The following DUOXA2 variants were observed in gnomAD, a reference collection of about 807,000 sequenced individuals.
DUOXA2 encodes the protein dual oxidase maturation factor 2.
Under a neutral mutation model 27.6 loss-of-function variants are expected in DUOXA2, and 22 were observed. The observed-to-expected ratio is 0.80, with a 90% CI of 0.57 to 1.14. The LOEUF is 1.14. Among genes scored for constraint, DUOXA2 ranks in the 50% most tolerant of loss-of-function variants. The pLI, the probability that DUOXA2 is intolerant of heterozygous loss-of-function variation, is 0.00. For missense variants in DUOXA2, 481 were observed against 419.9 expected, an observed-to-expected ratio of 1.15 and a Z score of -1.27; for synonymous variants, 188 against 184.4, an observed-to-expected ratio of 1.02 and a Z score of -0.16.
intron 1 of DUOXA2, among the ~76,000 whole-genome samples, 184 bp downstream of exon 1, chr15:45,114,936 C>T (rs909759495): frequency 6.6e-6 from 1 of 152,150 alleles, no homozygotes; most frequent in African/African-American, 2.4e-5. Flanking sequence ...GGAGAGCTCC[C>T]CATCCAGGAT....
Position 45,118,333 on chromosome 15 carries a change from G to T in DUOXA2, c.*424G>T. 1 of 1,202,008 alleles carries T rather than the reference G, an allele frequency of 8.3e-7. No individual in the cohort carries two copies. The highest frequency in any genetic ancestry group is 1.0e-6 in the Non-Finnish European group (1 of 966,268). 74.5% of individuals were successfully genotyped at this position (1,202,008 alleles called of 1,614,324 possible). ...GGGGGACGTTAGGTGGCAGTGATGA[G>T]GCAGGTCACCCACTCCCCCGTCCTG... On this transcript the variant is annotated 3_prime_UTR_variant, in exon 6 of 6. Transcript: ENST00000323030.
At position 45,116,240 on chromosome 15, in the gene DUOXA2, A is replaced by T. The variant is rs1894624486; in HGVS notation, c.322A>T (p.Ile108Phe). ...RVRLLVGLEG[I>F]NITLTGTPVH... ...CCGTCTGCTCGTGGGCCTGGAGGGC[A>T]TTAATATTACACTCACAGGTGAGGG... The change falls in exon 3 of 6, where the codon ATT becomes TTT. Residue 108 changes from isoleucine (I) to phenylalanine (F), a missense_variant. Physicochemically the swap from Ile to Phe is conservative, Grantham distance 21. Coordinates refer to ENST00000323030, the MANE Select transcript of DUOXA2 (RefSeq NM_207581.4). The T allele has an allele frequency of 6.2e-7, 1 of 1,613,948 alleles. No homozygotes were observed. The highest frequency in any genetic ancestry group is 1.3e-5 in the African/African-American group (1 of 75,042).
At position 45,114,513 on chromosome 15, in the gene DUOXA2, A is replaced by G. The variant is rs1260071549; in HGVS notation, c.-93A>G. The G allele has an allele frequency of 6.4e-7, 1 of 1,559,246 alleles. No individual in the cohort carries two copies. Among genetic ancestry groups the G allele is most frequent in the Non-Finnish European group, 8.7e-7 (1 of 1,150,624 alleles). ...CACTCGGTCCCAGCCTTGTACGCAAAGAGACGCCAAGGACGCGCTCTCCCG... is the reference window on the plus strand; with the variant it reads ...CACTCGGTCCCAGCCTTGTACGCAAGGAGACGCCAAGGACGCGCTCTCCCG... On this transcript the variant is annotated 5_prime_UTR_variant, in exon 1 of 6. Coordinates refer to ENST00000323030, the MANE Select transcript of DUOXA2 (RefSeq NM_207581.4).
chr15:45,118,084 T>C lies in DUOXA2; in HGVS notation c.*175T>C. 6.6e-7 allele frequency: 1 copy of C among 1,522,290 alleles called. No homozygotes were observed. The highest frequency in any genetic ancestry group is 8.8e-7 in the Non-Finnish European group (1 of 1,137,218). The allele number at this position is 1,522,290 out of a possible 1,614,324, so 94.3% of individuals were successfully genotyped here. On this transcript the variant is annotated 3_prime_UTR_variant, in exon 6 of 6. Coordinates refer to ENST00000323030, the MANE Select transcript of DUOXA2 (RefSeq NM_207581.4). ...CCTGGGGCGATCTGTAAATAAACCT[T>C]TTTTTCTTTTGTTTTTTAAAAACTG...
chr15:45,117,935 C>A lies in DUOXA2; in HGVS notation c.*26C>A, dbSNP rs777311888. On this transcript the variant is annotated 3_prime_UTR_variant, in exon 6 of 6. Coordinates refer to ENST00000323030, the MANE Select transcript of DUOXA2 (RefSeq NM_207581.4). Reference sequence around the variant, plus strand: ...GGGGGACCCAATCTGGACTCCTTCCCCGCCTTGGGACATCGCAGGCCGGGA... The same window carrying A: ...GGGGGACCCAATCTGGACTCCTTCCACGCCTTGGGACATCGCAGGCCGGGA... 1.2e-6 allele frequency: 2 copies of A among 1,613,060 alleles called. No homozygotes were observed. The highest frequency in any genetic ancestry group is 2.7e-5 in the African/African-American group (2 of 74,940).
intron 4 of DUOXA2, 147 bp downstream of exon 4, chr15:45,116,876 A>G: frequency 9.4e-7 from 1 of 1,068,210 alleles, no homozygotes; most frequent in South Asian, 1.5e-5. Flanking sequence ...CGCGGGTTAG[A>G]AGATCCACGA....
intron 1 of DUOXA2, chr15:45,115,424 A>C (rs978975556): frequency 1.0e-5 from 5 of 491,222 alleles, no homozygotes; most frequent in African/African-American, 9.7e-5. Flanking sequence ...CCCTCTTCTG[A>C]GGGAGGTGAC....
rs368899724 is a variant in DUOXA2, at chr15:45,117,298, G to A, written c.762G>A (p.Leu254=). 5.6e-6 allele frequency: 9 copies of A among 1,595,182 alleles called. No homozygotes were observed. The highest frequency in any genetic ancestry group is 7.7e-6 in the Non-Finnish European group (9 of 1,168,604). The stretch of plus-strand genomic sequence containing the variant: ...ACGGCGCCGCCTTCTGGGTCACGCT[G>A]GCAACCGGTGAGGACCGAGAGAATG... ...TQYGAAFWVT[L]ATGVLCLFLG... Residue 254 remains leucine, a synonymous_variant, in exon 5 of 6, where the codon CTG becomes CTA. Transcript: ENST00000323030.
Position 45,116,191 on chromosome 15 carries a change from C to T in DUOXA2, c.273C>T (p.Ser91=). Residue 91 remains serine (S), a synonymous_variant, in exon 3 of 6, where the codon AGC becomes AGT. Transcript: ENST00000323030. ...VNTNTSYKAF[S]AARVTARVRL... ...CCAACACATCCTACAAAGCCTTCAGCGCAGCGCGCGTTACAGCCCGTGTCC... is the reference window on the plus strand; with the variant it reads ...CCAACACATCCTACAAAGCCTTCAGTGCAGCGCGCGTTACAGCCCGTGTCC... 4.3e-6 allele frequency: 7 copies of T among 1,614,098 alleles called. No individual in the cohort carries two copies. The highest frequency in any genetic ancestry group is 5.9e-6 in the Non-Finnish European group (7 of 1,180,022).
Position 45,118,188 on chromosome 15 carries a change from A to G in DUOXA2, c.*279A>G. On this transcript the variant is annotated 3_prime_UTR_variant, in exon 6 of 6. Coordinates refer to ENST00000323030, the MANE Select transcript of DUOXA2 (RefSeq NM_207581.4). ...AGCTTCGCTGGGCTGGAGACAGCCT[A>G]GTACACTCTCCGCAGTGCTGTGAAA... is the stretch of plus-strand genomic sequence containing the variant. 1 of 1,431,534 alleles carries G rather than the reference A, an allele frequency of 7.0e-7. No individual in the cohort carries two copies. Among genetic ancestry groups the G allele is most frequent in the East Asian group, 2.5e-5 (1 of 39,912 alleles). The allele number at this position is 1,431,534 out of a possible 1,614,324, so 88.7% of individuals were successfully genotyped here. A position where few individuals can be genotyped will look rare whatever the true frequency, so the allele number is the denominator to read the frequency against.
rs1226344871 is a variant in DUOXA2, at chr15:45,116,201, G to C, written c.283G>C (p.Val95Leu). The change falls in exon 3 of 6, where the codon GTT (valine) becomes CTT (leucine). Residue 95 changes from valine to leucine, a missense_variant. Transcript: ENST00000323030. ...TSYKAFSAAR[V>L]TARVRLLVGL... is the part of the protein sequence containing the mutation. ...CTACAAAGCCTTCAGCGCAGCGCGC[G>C]TTACAGCCCGTGTCCGTCTGCTCGT... The C allele has an allele frequency of 6.2e-7, 1 of 1,614,124 alleles. No individual in the cohort carries two copies. The highest frequency in any genetic ancestry group is 8.5e-7 in the Non-Finnish European group (1 of 1,180,030).
Position 45,117,770 on chromosome 15 carries a change from C to G in DUOXA2, c.824C>G (p.Pro275Arg). Reference protein sequence around the residue: ...GAVVSLQYVRPSALRTLLDQS... With the variant: ...GAVVSLQYVRRSALRTLLDQS... ...GTGGTGAGTCTCCAGTATGTTCGGCCCAGCGCTCTTCGCACCCTTCTGGAC... is the reference window on the plus strand; with the variant it reads ...GTGGTGAGTCTCCAGTATGTTCGGCGCAGCGCTCTTCGCACCCTTCTGGAC... The change falls in exon 6 of 6, where the codon CCC becomes CGC. Residue 275 changes from proline (P) to arginine (R), a missense_variant. Physicochemically the swap from Pro to Arg is moderately radical, Grantham distance 103. Coordinates refer to ENST00000323030, the MANE Select transcript of DUOXA2 (RefSeq NM_207581.4). 6.2e-7 allele frequency: 1 copy of G among 1,613,962 alleles called. No homozygotes were observed. The highest frequency in any genetic ancestry group is 8.5e-7 in the Non-Finnish European group (1 of 1,179,992).
At chr15:45,115,574 G>T (rs1303888458) in intron 1 of DUOXA2, 1 of 690,350 alleles carries the variant, frequency 1.4e-6, no homozygotes, top group Admixed American at 2.0e-5. Flanking sequence ...GTGGAGGGGA[G>T]GTGCTGTTAG....
chr15:45,116,215 C>G lies in DUOXA2; in HGVS notation c.297C>G (p.Val99=). 6.2e-7 allele frequency: 1 copy of G among 1,614,136 alleles called. No individual in the cohort carries two copies. The highest frequency in any genetic ancestry group is 8.5e-7 in the Non-Finnish European group (1 of 1,180,038). ...AFSAARVTAR[V]RLLVGLEGIN... ...GCGCAGCGCGCGTTACAGCCCGTGT[C>G]CGTCTGCTCGTGGGCCTGGAGGGCA... Residue 99 remains valine (V), a synonymous_variant, in exon 3 of 6, where the codon GTC becomes GTG. Coordinates refer to ENST00000323030, the MANE Select transcript of DUOXA2 (RefSeq NM_207581.4).
rs377199570 is a variant in DUOXA2 at position 45,117,191 on chromosome 15, T to C, written c.655T>C (p.Phe219Leu). Reference sequence around the variant, plus strand: ...GCTGACCACCGGAGCCTTCGCGCTCTTCGGGGTCTTCGCCTTGGCCTCCAT... The same window carrying C: ...GCTGACCACCGGAGCCTTCGCGCTCCTCGGGGTCTTCGCCTTGGCCTCCAT... Reference protein sequence around the residue: ...ALLTTGAFALFGVFALASISS... With the variant: ...ALLTTGAFALLGVFALASISS... Residue 219 changes from phenylalanine to leucine, a missense_variant, in exon 5 of 6, where the codon TTC becomes CTC. Transcript: ENST00000323030. 13 of 1,607,626 alleles carry C rather than the reference T, an allele frequency of 8.1e-6. No individual in the cohort carries two copies. The highest frequency in any genetic ancestry group is 1.1e-5 in the Non-Finnish European group (13 of 1,179,682).
At position 45,116,035 on chromosome 15, in the gene DUOXA2, ATC is replaced by A. The variant is rs1894614414; in HGVS notation, c.206-83_206-82del. The A allele has an allele frequency of 3.7e-6, 6 of 1,605,544 alleles. No homozygotes were observed. The African/African-American group carries it at 4.0e-5, about 11-fold the overall frequency. On this transcript the variant is annotated intron_variant, in intron 2 of 5. Coordinates refer to ENST00000323030, the MANE Select transcript of DUOXA2 (RefSeq NM_207581.4). ...AACCACATTGGACCTCTAAGTCCCCATCTCTCTGCAGTGTCCCACCTCCCATA... is the reference window on the plus strand; with the variant it reads ...AACCACATTGGACCTCTAAGTCCCCATCTCTGCAGTGTCCCACCTCCCATA...
At chr15:45,116,483 C>T in intron 3 of DUOXA2, 33 bp from the exon 4 acceptor site, 2 of 1,610,686 alleles carry the variant, frequency 1.2e-6, no homozygotes, top group Non-Finnish European at 1.7e-6. Flanking sequence ...TCTCCGACCG[C>T]GGGCAGCCCC....
chr15:45,116,448 T>C (rs1894635488), intron 3 of DUOXA2, 68 bp from the exon 4 acceptor site: 2 of 1,592,950 alleles, frequency 1.3e-6, no homozygotes, highest in Non-Finnish European at 1.7e-6. Context: ...CCCACTTTCC[T>C]GTCTGAATCC....
At chr15:45,116,836 C>T in intron 4 of DUOXA2, 107 bp downstream of exon 4, 2 of 1,363,950 alleles carry the variant, frequency 1.5e-6, no homozygotes, top group Non-Finnish European at 2.0e-6. Flanking sequence ...GCAGCCAGAC[C>T]CGACGCGCTC....
Sources: gnomAD v4.1 joint callset for allele counts (sites outside exome capture counted in the v4.1 genomes callset) on GRCh38, gnomAD v4.1.1 for gene constraint, MANE v1.5 for transcripts, NCBI Gene and HGNC (gene_info 2026-07-23, HGNC 2026-07-21) for gene names.